Variants in ASB3 observed in about 807,000 individuals in gnomAD.
ASB3 encodes ankyrin repeat and SOCS box containing 3.
A neutral mutation model predicts 54.5 loss-of-function variants in ASB3; 41 were observed. The ratio of observed to expected loss-of-function variants is 0.75; its 90% confidence interval spans 0.59 to 0.98. ASB3 has a LOEUF of 0.98. ASB3 is among the 50% of genes least tolerant of loss of function. ASB3 has a pLI of 0.00. For missense variants in ASB3, 733 were observed against 620.0 expected, an observed-to-expected ratio of 1.18 and a Z score of -1.94; for synonymous variants, 266 against 221.2, an observed-to-expected ratio of 1.20 and a Z score of -1.80.
At chr2:53,705,970 A>C (rs1467010115) in intron 7 of ASB3, among the ~76,000 whole-genome samples, 1 of 152,234 alleles carries the variant, frequency 6.6e-6, no homozygotes, top group Non-Finnish European at 1.5e-5. Flanking sequence ...ATCTGTACAT[A>C]TATTGACATT....
At chr2:53,785,629 G>C (rs909196515) in intron 1 of ASB3, among the ~76,000 whole-genome samples, 15 of 152,218 alleles carry the variant, frequency 9.9e-5, no homozygotes, top group Non-Finnish European at 1.9e-4. Flanking sequence ...GATCACCCGA[G>C]GTCAGGAGTT....
At chr2:53,733,842 G>C (rs1185429146) in intron 3 of ASB3, among the ~76,000 whole-genome samples, 1 of 152,188 alleles carries the variant, frequency 6.6e-6, no homozygotes, top group Admixed American at 6.5e-5. Context: ...TGAAAGCCTT[G>C]AACAGAGATT....
intron 3 of ASB3, among the ~76,000 whole-genome samples, chr2:53,730,837 G>C (rs11893147): frequency 6.6e-6 from 1 of 151,898 alleles, no homozygotes; most frequent in Non-Finnish European, 1.5e-5. Flanking sequence ...CAGTTATTCT[G>C]TATCTCCCAC....
At chr2:53,717,971 T>C (rs1056220500) in intron 5 of ASB3, among the ~76,000 whole-genome samples, 3 of 152,004 alleles carry the variant, frequency 2.0e-5, no homozygotes, top group Non-Finnish European at 2.9e-5. Context: ...TCTTTCAAAC[T>C]AACCCAGTCA....
chr2:53,706,647 A>T (rs1669788966), intron 7 of ASB3, among the ~76,000 whole-genome samples: 1 of 152,030 alleles, frequency 6.6e-6, no homozygotes. Flanking sequence ...GGGTTTCAGC[A>T]TGTTAGCCAG....
chr2:53,774,510 C>T, intron 1 of ASB3: 1 of 1,544,726 alleles, frequency 6.5e-7, no homozygotes. Flanking sequence ...GGAAACAGAA[C>T]CTCAATTGCA....
At chr2:53,771,771 A>T (rs1159223315) in intron 1 of ASB3, 1 of 681,870 alleles carries the variant, frequency 1.5e-6, no homozygotes, top group South Asian at 1.7e-5. Context: ...ATCATAAAAA[A>T]TAACTATGCT....
intron 2 of ASB3, among the ~76,000 whole-genome samples, chr2:53,753,175 C>G (rs532789025): frequency 3.9e-5 from 6 of 152,234 alleles, no homozygotes; most frequent in Admixed American, 3.9e-4. Flanking sequence ...AAAAAAGACA[C>G]TGGTCTACAT....
chr2:53,784,329 GCTGT>G (rs1332605661), intron 1 of ASB3, among the ~76,000 whole-genome samples: 3 of 152,164 alleles, frequency 2.0e-5, no homozygotes, highest in Admixed American at 2.0e-4. Flanking sequence ...ACCTCCTGAG[GCTGT>G]CTGTGACACG....
rs114513474 is a variant in ASB3, at chr2:53,719,685, A to T, written c.605-2942T>A. ...TAAGCCCCCTCACCCTAAAACCAATATATACTCATGTACTTAGCCTGTAAG... is the reference window on the plus strand; with the variant it reads ...TAAGCCCCCTCACCCTAAAACCAATTTATACTCATGTACTTAGCCTGTAAG... On this transcript the variant is annotated intron_variant, in intron 5 of 9. Coordinates refer to ENST00000263634, the MANE Select transcript of ASB3 (RefSeq NM_016115.5). Among the ~76,000 whole-genome samples the T allele has an allele frequency of 4.4e-3, 675 of 151,988 alleles. 8 individuals carry two copies. Among genetic ancestry groups the T allele is most frequent in the African/African-American group, 0.016 (647 of 41,490 alleles).
chr2:53,766,238 A>G (rs942162993), intron 1 of ASB3, among the ~76,000 whole-genome samples: 5 of 152,188 alleles, frequency 3.3e-5, no homozygotes. Flanking sequence ...GTTTTCCTAC[A>G]TAGCCCAGAA....
chr2:53,716,550 TG>T lies in ASB3; in HGVS notation c.782+15del. Reference sequence around the variant, plus strand: ...TGATTAAGAGACCATGTTTATTTTCTGTTTTTAACACTTACTTTGTATGGCC... The same window carrying T: ...TGATTAAGAGACCATGTTTATTTTCTTTTTTAACACTTACTTTGTATGGCC... On this transcript the variant is annotated intron_variant, in intron 6 of 9. Coordinates refer to ENST00000263634, the MANE Select transcript of ASB3 (RefSeq NM_016115.5). 1 of 1,603,372 alleles carries T rather than the reference TG, an allele frequency of 6.2e-7. No homozygotes were observed. The highest frequency in any genetic ancestry group is 8.5e-7 in the Non-Finnish European group (1 of 1,172,786).
At chr2:53,728,001 C>T (rs1458432644) in intron 5 of ASB3, among the ~76,000 whole-genome samples, 1 of 152,084 alleles carries the variant, frequency 6.6e-6, no homozygotes, top group African/African-American at 2.4e-5. Flanking sequence ...GCTGGGATTA[C>T]AGGCATGAGC....
At chr2:53,726,679 C>T (rs950179307) in intron 5 of ASB3, among the ~76,000 whole-genome samples, 1 of 150,132 alleles carries the variant, frequency 6.7e-6, no homozygotes, top group Non-Finnish European at 1.5e-5. Context: ...TATATATACA[C>T]ATATATATAT....
chr2:53,733,100 G>A (rs545632409), intron 3 of ASB3, among the ~76,000 whole-genome samples: 27 of 152,278 alleles, frequency 1.8e-4, no homozygotes, highest in African/African-American at 6.0e-4. Flanking sequence ...AACCACTCAC[G>A]TATCTATAAA....
chr2:53,755,987 C>T (rs566347270), intron 2 of ASB3, among the ~76,000 whole-genome samples: 14 of 149,878 alleles, frequency 9.3e-5, no homozygotes, highest in African/African-American at 3.2e-4. Flanking sequence ...ACCCCCCCCC[C>T]ACCTCTACAA....
rs535693733 is a variant in ASB3 at position 53,699,513 on chromosome 2, A to G, written c.1238+758T>C. The stretch of plus-strand genomic sequence containing the variant: ...AGAAGACAATTAGTGCCTTAGGGAC[A>G]GACATCACACGGGGTAAGAATTGAA... On this transcript the variant is annotated intron_variant, in intron 8 of 9. Transcript: ENST00000263634. 3.3e-5 allele frequency among the ~76,000 whole-genome samples: 5 copies of G among 152,380 alleles called. No homozygotes were observed. In the South Asian group the frequency reaches 1.0e-3, roughly 32 times the overall value.
chr2:53,776,887 G>A (rs1219154553), intron 1 of ASB3, among the ~76,000 whole-genome samples: 1 of 152,084 alleles, frequency 6.6e-6, no homozygotes. Context: ...TTGTAATCCT[G>A]TGGCTACTAT....
At chr2:53,769,765 T>C (rs1436227526) in intron 1 of ASB3, among the ~76,000 whole-genome samples, 4 of 152,122 alleles carry the variant, frequency 2.6e-5, no homozygotes, top group African/African-American at 9.7e-5. Flanking sequence ...GGAGAATCGC[T>C]TGGGAGGCAG....
Sources: gnomAD v4.1 joint callset for allele counts (sites outside exome capture counted in the v4.1 genomes callset) on GRCh38, gnomAD v4.1.1 for gene constraint, MANE v1.5 for transcripts, NCBI Gene and HGNC (gene_info 2026-07-23, HGNC 2026-07-21) for gene names.